Variants in MCUB observed in about 807,000 individuals in gnomAD.
The protein encoded by MCUB is mitochondrial calcium uniporter dominant negative subunit beta.
In MCUB, 46 loss-of-function variants were observed where a neutral mutation model predicts 41.4. That is an observed-to-expected ratio of 1.11 (90% CI 0.88 to 1.42). The LOEUF (loss-of-function observed/expected upper bound fraction) is 1.42. Ranked by LOEUF, MCUB falls within the 40% of genes most tolerant of loss-of-function variation. The pLI is 0.00. For synonymous variants in MCUB, 148 were observed against 148.2 expected, an observed-to-expected ratio of 1.00 and a Z score of 0.01; for missense variants, 403 against 404.9, an observed-to-expected ratio of 1.00 and a Z score of 0.04.
chr4:109,634,646 T>G (rs1728550262), intron 1 of MCUB, among the ~76,000 whole-genome samples: 1 of 152,210 alleles, frequency 6.6e-6, no homozygotes, highest in African/African-American at 2.4e-5. Flanking sequence ...TGTCTGTCTT[T>G]TTTGCTTAAC....
intron 1 of MCUB, among the ~76,000 whole-genome samples, chr4:109,581,470 G>A (rs887755018): frequency 6.6e-6 from 1 of 152,138 alleles, no homozygotes; most frequent in Admixed American, 6.5e-5. Flanking sequence ...ACATAGGCAT[G>A]GGCAAGGACT....
intron 4 of MCUB, 46 bp from the exon 5 acceptor site, chr4:109,682,536 G>C: frequency 6.6e-7 from 1 of 1,519,214 alleles, no homozygotes; most frequent in South Asian, 1.3e-5. Context: ...CACACCCTGC[G>C]GGAACAATGT....
At position 109,659,095 on chromosome 4, in the gene MCUB, T is replaced by G. The variant is rs113161118; in HGVS notation, c.175+9T>G. On this transcript the variant is annotated intron_variant, in intron 2 of 7. Coordinates refer to ENST00000394650, the MANE Select transcript of MCUB (RefSeq NM_017918.5). The stretch of plus-strand genomic sequence containing the variant: ...CGTGGTGCCACCTGATGGTAAGCTT[T>G]CTTACCATTTATTTGATTCATATGT... The G allele has an allele frequency of 1.2e-5, 17 of 1,365,686 alleles. No individual in the cohort carries two copies. The African/African-American group carries it at 1.4e-4, about 12-fold the overall frequency. The allele number at this position is 1,365,686 out of a possible 1,614,324, so 84.6% of individuals were successfully genotyped here.
chr4:109,645,675 A>C (rs563126946), intron 1 of MCUB, among the ~76,000 whole-genome samples: 1 of 152,008 alleles, frequency 6.6e-6, no homozygotes, highest in Admixed American at 6.6e-5. Flanking sequence ...TTGCTTTTAT[A>C]CTTTCTCTAC....
At chr4:109,665,376 TC>T (rs1314132818) in intron 4 of MCUB, among the ~76,000 whole-genome samples, 1 of 152,208 alleles carries the variant, frequency 6.6e-6, no homozygotes, top group African/African-American at 2.4e-5. Context: ...CTTGCTTATA[TC>T]AATTAGCCTA....
intron 1 of MCUB, among the ~76,000 whole-genome samples, chr4:109,607,057 A>AT (rs1014996606): frequency 1.3e-5 from 2 of 151,466 alleles, no homozygotes; most frequent in African/African-American, 4.9e-5. Flanking sequence ...CATAGTTATT[A>AT]TTTTTTATTG....
chr4:109,653,310 T>C (rs987084702), intron 1 of MCUB, among the ~76,000 whole-genome samples: 5 of 149,046 alleles, frequency 3.4e-5, no homozygotes, highest in Non-Finnish European at 7.4e-5. Flanking sequence ...ACCTGGGAAG[T>C]GGAGGTTGCA....
chr4:109,609,107 G>A (rs1727945178), intron 1 of MCUB, among the ~76,000 whole-genome samples: 1 of 152,192 alleles, frequency 6.6e-6, no homozygotes, highest in Admixed American at 6.5e-5. Flanking sequence ...GGAGCTGGGA[G>A]TGGGGTGACA....
chr4:109,565,799 C>T (rs949571015), intron 1 of MCUB, among the ~76,000 whole-genome samples: 3 of 150,554 alleles, frequency 2.0e-5, no homozygotes, highest in African/African-American at 7.3e-5. Context: ...TACTCTAATT[C>T]ATTATGATAT....
chr4:109,617,188 A>T (rs6533437), intron 1 of MCUB, among the ~76,000 whole-genome samples: 74,449 of 152,084 alleles, frequency 0.49, 19,337 homozygotes, highest in South Asian at 0.64. Flanking sequence ...TGCTTGCACA[A>T]TTGGCCTGTT....
intron 1 of MCUB, among the ~76,000 whole-genome samples, chr4:109,654,950 C>T (rs1320908264): frequency 6.6e-6 from 1 of 152,034 alleles, no homozygotes; most frequent in Non-Finnish European, 1.5e-5. Flanking sequence ...ACATCAGATC[C>T]CACAAGTTAA....
At chr4:109,601,475 C>T (rs963341465) in intron 1 of MCUB, among the ~76,000 whole-genome samples, 3 of 152,088 alleles carry the variant, frequency 2.0e-5, no homozygotes, top group Non-Finnish European at 4.4e-5. Context: ...TTAGCTCCCA[C>T]GAATATGATA....
intron 1 of MCUB, among the ~76,000 whole-genome samples, chr4:109,603,889 C>G (rs1727808341): frequency 6.6e-6 from 1 of 152,226 alleles, no homozygotes; most frequent in Admixed American, 6.5e-5. Flanking sequence ...GGAGGTGTAC[C>G]CAACAGCTCA....
intron 1 of MCUB, among the ~76,000 whole-genome samples, chr4:109,580,694 G>A (rs1727150669): frequency 6.6e-6 from 1 of 152,180 alleles, no homozygotes; most frequent in Non-Finnish European, 1.5e-5. Context: ...AGAAGTGTCT[G>A]TTCATATCCT....
chr4:109,588,986 AAT>A (rs1050023070), intron 1 of MCUB, among the ~76,000 whole-genome samples: 3 of 152,238 alleles, frequency 2.0e-5, no homozygotes, highest in African/African-American at 7.2e-5. Context: ...CTGAAAAAAA[AAT>A]AATGAGAAGG....
chr4:109,665,816 G>C (rs990935291), intron 4 of MCUB, among the ~76,000 whole-genome samples: 1 of 152,030 alleles, frequency 6.6e-6, no homozygotes, highest in Non-Finnish European at 1.5e-5. Context: ...CTTTTTGGCA[G>C]GGGTGGGGGC....
chr4:109,628,582 G>GGA (rs1286601684), intron 1 of MCUB, among the ~76,000 whole-genome samples: 3 of 152,186 alleles, frequency 2.0e-5, no homozygotes, highest in African/African-American at 7.2e-5. Flanking sequence ...TGATTGATTT[G>GGA]GAGTTTATTT....
chr4:109,625,705 A>G (rs915446865), intron 1 of MCUB, among the ~76,000 whole-genome samples: 1 of 152,318 alleles, frequency 6.6e-6, no homozygotes, highest in African/African-American at 2.4e-5. Flanking sequence ...TAGGGACTGT[A>G]TCTTGTTTAC....
At position 109,633,066 on chromosome 4, in the gene MCUB, A is replaced by G. The variant is rs150955486; in HGVS notation, c.100-25945A>G. 1.2e-3 allele frequency among the ~76,000 whole-genome samples: 190 copies of G among 152,338 alleles called. 3 individuals are homozygous for G. Among genetic ancestry groups the G allele is most frequent in the Non-Finnish European group, 2.0e-3 (134 of 68,036 alleles). ...GTGTGAGGTTAGAAAGTAGAGATGT[A>G]AGGAGGTGACATGTGATAGAAATAC... On this transcript the variant is annotated intron_variant, in intron 1 of 7. Coordinates refer to ENST00000394650, the MANE Select transcript of MCUB (RefSeq NM_017918.5).
Sources: allele counts gnomAD v4.1 joint callset (sites outside exome capture counted in the v4.1 genomes callset), GRCh38; gene constraint gnomAD v4.1.1; transcripts MANE v1.5; gene names NCBI Gene and HGNC (gene_info 2026-07-23, HGNC 2026-07-21).